The following FIBCD1 variants were observed in gnomAD, a reference collection of about 807,000 sequenced individuals.
FIBCD1 encodes fibrinogen C domain containing 1, also known as fibrinogen C domain-containing protein 1.
Under a neutral mutation model 45.1 loss-of-function variants are expected in FIBCD1, and 47 were observed. That is an observed-to-expected ratio of 1.04 (90% CI 0.82 to 1.33). FIBCD1 has a LOEUF of 1.33. FIBCD1 is among the 40% of genes most tolerant of loss of function. FIBCD1 has a pLI of 0.00. For missense variants in FIBCD1, 653 were observed against 682.2 expected, an observed-to-expected ratio of 0.96 and a Z score of 0.48; for synonymous variants, 313 against 308.1, an observed-to-expected ratio of 1.02 and a Z score of -0.17.
chr9:130,904,780 C>T (rs929952587), intron 6 of FIBCD1, among the ~76,000 whole-genome samples: 1 of 152,200 alleles, frequency 6.6e-6, no homozygotes. Flanking sequence ...CTGCTGGCTT[C>T]GCCTTGCAGG....
rs372531442 is a variant in FIBCD1, at chr9:130,923,874, C to T, written c.719G>A (p.Arg240Gln). The T allele has an allele frequency of 2.0e-5, 32 of 1,612,354 alleles. No homozygotes were observed. The highest frequency in any genetic ancestry group is 1.2e-4 in the African/African-American group (9 of 74,918). The change falls in exon 4 of 7, where the codon CGG becomes CAG. Residue 240 changes from arginine to glutamine, a missense_variant. Physicochemically the swap from Arg to Gln is conservative, Grantham distance 43 (BLOSUM62 1). Transcript: ENST00000372338. ...GAGGACGTCCAGACAGTCTCGGGGC[C>T]GGGAGCCTGAGGGAGGCAAGGCTGT... Reference protein sequence around the residue: ...TRPRGCATGSRPRDCLDVLLS... With the variant: ...TRPRGCATGSQPRDCLDVLLS...
chr9:130,932,674 C>T (rs1468836979), intron 1 of FIBCD1, among the ~76,000 whole-genome samples: 3 of 152,202 alleles, frequency 2.0e-5, no homozygotes, highest in African/African-American at 7.2e-5. Context: ...TGGAGGGGCT[C>T]CTCCTCTGTG....
intron 4 of FIBCD1, among the ~76,000 whole-genome samples, chr9:130,915,637 G>A (rs185332416): frequency 6.6e-6 from 1 of 152,274 alleles, no homozygotes; most frequent in African/African-American, 2.4e-5. Flanking sequence ...CAGGAGGCGT[G>A]GTTGCAGTGA....
chr9:130,920,133 A>C (rs1023410369), intron 4 of FIBCD1, among the ~76,000 whole-genome samples: 6 of 151,916 alleles, frequency 3.9e-5, no homozygotes, highest in African/African-American at 1.2e-4. Context: ...CCCTCCAAGA[A>C]GGGACGTGAC....
rs1359826705 is a variant in FIBCD1, at chr9:130,903,964, C to A, written c.*100G>T. ...GGCCCCTCCCTACTGGAGAGTGGGT[C>A]CGCCAGGCACAGGTGGGTGGAGAAC... On this transcript the variant is annotated 3_prime_UTR_variant, in exon 7 of 7. Transcript: ENST00000372338. 8 of 1,492,524 alleles carry A rather than the reference C, an allele frequency of 5.4e-6. No homozygotes were observed. Among genetic ancestry groups the A allele is most frequent in the Non-Finnish European group, 7.3e-6 (8 of 1,094,198 alleles). The allele number at this position is 1,492,524 out of a possible 1,614,324, so 92.5% of individuals were successfully genotyped here. A position where few individuals can be genotyped will look rare whatever the true frequency, so the allele number is the denominator to read the frequency against.
At chr9:130,919,125 C>T (rs1335350501) in intron 4 of FIBCD1, among the ~76,000 whole-genome samples, 4 of 152,346 alleles carry the variant, frequency 2.6e-5, no homozygotes, top group East Asian at 1.9e-4. Context: ...TGCTGAGCCA[C>T]GGCGGGCGCG....
At chr9:130,932,607 G>C (rs1356062808) in intron 1 of FIBCD1, among the ~76,000 whole-genome samples, 1 of 152,166 alleles carries the variant, frequency 6.6e-6, no homozygotes, top group Non-Finnish European at 1.5e-5. Context: ...GGCTCAGCTA[G>C]CTGTCACTTC....
chr9:130,923,939 CT>C, intron 3 of FIBCD1, 59 bp from the exon 4 acceptor site: 1 of 1,607,552 alleles, frequency 6.2e-7, no homozygotes, highest in Non-Finnish European at 8.5e-7. Context: ...GCCCAGCCCC[CT>C]GGCCAAACTG....
intron 4 of FIBCD1, among the ~76,000 whole-genome samples, chr9:130,921,468 G>A (rs975183401): frequency 1.4e-4 from 21 of 152,228 alleles, no homozygotes; most frequent in African/African-American, 4.8e-4. Context: ...CTTCTCAGAT[G>A]AGAATGGCCT....
intron 1 of FIBCD1, among the ~76,000 whole-genome samples, chr9:130,933,121 T>C (rs1216955669): frequency 2.6e-5 from 4 of 152,146 alleles, no homozygotes; most frequent in Non-Finnish European, 5.9e-5. Context: ...GGGGGTCCCC[T>C]AGAGGCAGGG....
intron 4 of FIBCD1, among the ~76,000 whole-genome samples, chr9:130,912,392 CAAAAAAAAAAA>C (rs61490832): frequency 2.6e-5 from 2 of 75,714 alleles, no homozygotes; most frequent in African/African-American, 5.8e-5. Context: ...GGCTCTCTCT[CAAAAAAAAAAA>C]AAAAAAAAAA....
upstream of FIBCD1, among the ~76,000 whole-genome samples, chr9:130,940,446 C>T (rs72766814): frequency 1.2e-4 from 19 of 152,394 alleles, no homozygotes; most frequent in Non-Finnish European, 1.8e-4. Flanking sequence ...GACCCAGGTT[C>T]CAATTCTGGC....
intron 5 of FIBCD1, among the ~76,000 whole-genome samples, chr9:130,911,058 G>GC (rs1202487290): frequency 2.0e-5 from 3 of 152,184 alleles, no homozygotes; most frequent in Non-Finnish European, 4.4e-5. Context: ...AAAGCAGGCT[G>GC]CCCCAGCCAG....
intron 1 of FIBCD1, among the ~76,000 whole-genome samples, chr9:130,936,711 C>T (rs896598180): frequency 9.9e-5 from 15 of 152,228 alleles, no homozygotes; most frequent in Non-Finnish European, 5.9e-5. Context: ...ATTCAGCAAA[C>T]GCTCTCAATG....
chr9:130,908,895 C>T (rs1234171300), intron 5 of FIBCD1, among the ~76,000 whole-genome samples: 1 of 152,086 alleles, frequency 6.6e-6, no homozygotes. Context: ...CCAGGGGCCT[C>T]CATGCACACA....
At chr9:130,920,885 C>T (rs1044600093) in intron 4 of FIBCD1, among the ~76,000 whole-genome samples, 1 of 152,228 alleles carries the variant, frequency 6.6e-6, no homozygotes, top group South Asian at 2.1e-4. Flanking sequence ...TGAGCTGTCT[C>T]GTCGCTGCTG....
intron 5 of FIBCD1, 70 bp from the exon 6 acceptor site, chr9:130,905,483 A>G: frequency 6.1e-6 from 9 of 1,476,972 alleles, no homozygotes; most frequent in Non-Finnish European, 7.3e-6. Context: ...GAGAAATGAT[A>G]AATGACAGCT....
chr9:130,906,393 A>T (rs1831929709), intron 5 of FIBCD1, among the ~76,000 whole-genome samples: 1 of 152,102 alleles, frequency 6.6e-6, no homozygotes, highest in Non-Finnish European at 1.5e-5. Flanking sequence ...TCCCGGGGTC[A>T]GTGTGTGCTG....
chr9:130,905,292 G>A lies in FIBCD1; in HGVS notation c.1068C>T (p.Ser356=), dbSNP rs935671677. ...RYGSFGVGLF[S]VDPEEDGYPL... The stretch of plus-strand genomic sequence containing the variant: ...GGTACCCGTCTTCCTCAGGGTCCAC[G>A]GAGAACAAGCCCACGCCGAAGCTCC... Residue 356 remains serine, a synonymous_variant, in exon 6 of 7, where the codon TCC becomes TCT. Transcript: ENST00000372338. 7.4e-6 allele frequency: 12 copies of A among 1,614,000 alleles called. No individual in the cohort carries two copies. Among genetic ancestry groups the A allele is most frequent in the Middle Eastern group, 3.3e-4 (2 of 6,062 alleles).
Sources: gnomAD v4.1 joint callset for allele counts (sites outside exome capture counted in the v4.1 genomes callset) on GRCh38, gnomAD v4.1.1 for gene constraint, MANE v1.5 for transcripts, NCBI Gene and HGNC (gene_info 2026-07-23, HGNC 2026-07-21) for gene names.